Variants in CPAMD8 observed in about 807,000 individuals in gnomAD.
The protein encoded by CPAMD8 is C3 and PZP like alpha-2-macroglobulin domain containing 8, also known as C3 and PZP-like alpha-2-macroglobulin domain-containing protein 8.
A neutral mutation model predicts 224.7 loss-of-function variants in CPAMD8; 146 were observed. The observed-to-expected ratio is 0.65, with a 90% confidence interval of 0.57 to 0.75. CPAMD8 has a LOEUF of 0.75. Ranked by LOEUF, CPAMD8 falls within the 30% of genes least tolerant of loss-of-function variation. The pLI is 0.00. For synonymous variants in CPAMD8, 966 were observed against 1,044.6 expected (o/e 0.92, Z 1.45); for missense variants, 2,301 against 2,537.5 (o/e 0.91, Z 2.00).
chr19:16,982,333 G>A (rs1228501213), intron 13 of CPAMD8, among the ~76,000 whole-genome samples: 4 of 151,810 alleles, frequency 2.6e-5, no homozygotes, highest in Admixed American at 6.6e-5. Flanking sequence ...GTCGATGTGC[G>A]GTGAGTCATG....
At chr19:17,006,114 C>T (rs1474439244) in intron 7 of CPAMD8, among the ~76,000 whole-genome samples, 1 of 152,102 alleles carries the variant, frequency 6.6e-6, no homozygotes, top group Non-Finnish European at 1.5e-5. Context: ...AGGCACCCGC[C>T]ACCATGTCCA....
chr19:16,913,278 T>C (rs768078826), intron 29 of CPAMD8, among the ~76,000 whole-genome samples: 4 of 152,130 alleles, frequency 2.6e-5, no homozygotes, highest in Non-Finnish European at 4.4e-5. Context: ...AGAATCCATA[T>C]GTTGAAGCTC....
rs763559280 is a variant in CPAMD8 at position 16,899,576 on chromosome 19, C to A, written c.4774-27G>T. Reference sequence around the variant, plus strand: ...TGCAGAGGAAGCCAGAAGTCAGGGTCCTCAGACTCTCTACTTGCTTCCTCT... The same window carrying A: ...TGCAGAGGAAGCCAGAAGTCAGGGTACTCAGACTCTCTACTTGCTTCCTCT... On this transcript the variant is annotated intron_variant, in intron 36 of 41. Coordinates refer to ENST00000443236, the MANE Select transcript of CPAMD8 (RefSeq NM_015692.5). The surrounding 1 kb of genome is among the most constrained non-coding windows in gnomAD (Gnocchi z 5.4). 1 of 1,129,716 alleles carries A rather than the reference C, an allele frequency of 8.9e-7. No homozygotes were observed. The highest frequency in any genetic ancestry group is 1.2e-5 in the South Asian group (1 of 81,484). 70.0% of individuals were successfully genotyped at this position (1,129,716 alleles called of 1,614,324 possible).
chr19:16,967,539 G>A (rs1012637182), intron 18 of CPAMD8, among the ~76,000 whole-genome samples: 4 of 152,160 alleles, frequency 2.6e-5, no homozygotes, highest in Non-Finnish European at 4.4e-5. Flanking sequence ...AGGTGCAGTG[G>A]CTCATGCCTG....
intron 11 of CPAMD8, 91 bp from the exon 12 acceptor site, chr19:16,993,677 C>A: frequency 2.5e-6 from 3 of 1,198,180 alleles, no homozygotes; most frequent in South Asian, 3.0e-5. Flanking sequence ...ACTGGAATCC[C>A]AGCAGGCTTC....
At chr19:16,913,939 G>C (rs1403019791) in intron 29 of CPAMD8, among the ~76,000 whole-genome samples, 2 of 152,116 alleles carry the variant, frequency 1.3e-5, no homozygotes, top group African/African-American at 4.8e-5. Flanking sequence ...CCCCAGGAAA[G>C]CCTCATAGAA....
Position 16,928,012 on chromosome 19 carries a change from T to A in CPAMD8, c.3367A>T (p.Ile1123Phe). 1.2e-6 allele frequency: 2 copies of A among 1,610,082 alleles called. No individual in the cohort carries two copies. Among genetic ancestry groups the A allele is most frequent in the Non-Finnish European group, 1.7e-6 (2 of 1,176,416 alleles). ...CCAGGCTGTGGGACAGACGCACCGA[T>A]GATGGAGGCGGTGGCTCGCTCAGAC... ...PGSERATASIIGDVMGPTLNH... is the reference protein window; with the variant it reads ...PGSERATASIFGDVMGPTLNH... The change falls in exon 25 of 42, where the codon ATC becomes TTC. Residue 1123 changes from isoleucine to phenylalanine, a missense_variant. Ile to Phe is a conservative substitution (Grantham distance 21). This residue lies in a region of CPAMD8 where 1,709 missense variants were observed against 1,753.2 expected (regional missense o/e 0.97). Coordinates refer to ENST00000443236, the MANE Select transcript of CPAMD8 (RefSeq NM_015692.5).
At chr19:16,911,632 G>C (rs2052731967) in intron 29 of CPAMD8, among the ~76,000 whole-genome samples, 2 of 152,138 alleles carry the variant, frequency 1.3e-5, no homozygotes, top group African/African-American at 4.8e-5. Context: ...GGCAAGCTCT[G>C]CCTCCCAGGT....
intron 27 of CPAMD8, 55 bp from the exon 28 acceptor site, chr19:16,914,868 G>T: frequency 7.4e-7 from 1 of 1,353,916 alleles, no homozygotes; most frequent in South Asian, 1.4e-5. Flanking sequence ...GCCCCCACAT[G>T]CTGGCTGAGG....
At chr19:16,971,821 C>T (rs1256222914) in intron 17 of CPAMD8, among the ~76,000 whole-genome samples, 2 of 152,000 alleles carry the variant, frequency 1.3e-5, no homozygotes, top group Admixed American at 6.6e-5. Flanking sequence ...CCGAGGTGGG[C>T]GGATCACTTG....
intron 13 of CPAMD8, among the ~76,000 whole-genome samples, chr19:16,982,918 C>T (rs2055566235): frequency 6.6e-6 from 1 of 152,216 alleles, no homozygotes; most frequent in Non-Finnish European, 1.5e-5. Flanking sequence ...ATAACTGAAT[C>T]ATGGGGACAG....
At chr19:16,973,824 G>GC (rs1000843129) in intron 17 of CPAMD8, among the ~76,000 whole-genome samples, 3 of 139,608 alleles carry the variant, frequency 2.1e-5, no homozygotes, top group African/African-American at 8.2e-5. Flanking sequence ...GATAGCATTA[G>GC]CCCTTTTTTT....
intron 34 of CPAMD8, 28 bp downstream of exon 34, chr19:16,903,533 G>C (rs2052344579): frequency 6.2e-7 from 1 of 1,613,626 alleles, no homozygotes; most frequent in Admixed American, 1.7e-5. Flanking sequence ...ACAAGCCCAA[G>C]ATCACCTCGT....
At chr19:16,952,444 G>A (rs1047339658) in intron 19 of CPAMD8, among the ~76,000 whole-genome samples, 5 of 152,186 alleles carry the variant, frequency 3.3e-5, no homozygotes, top group African/African-American at 1.2e-4. Context: ...CTGAGAGGCC[G>A]AGGTGGGAGA....
At chr19:16,974,235 CA>C (rs2122681771) in intron 17 of CPAMD8, among the ~76,000 whole-genome samples, 1 of 151,134 alleles carries the variant, frequency 6.6e-6, no homozygotes, top group East Asian at 2.0e-4. Flanking sequence ...AGGTTCACGC[CA>C]TTCTCCTGCC....
At chr19:16,987,049 C>T (rs2055744551) in intron 13 of CPAMD8, among the ~76,000 whole-genome samples, 1 of 147,260 alleles carries the variant, frequency 6.8e-6, no homozygotes, top group Non-Finnish European at 1.5e-5. Context: ...ATCCCAGCTA[C>T]TCGGGAGGCT....
intron 21 of CPAMD8, among the ~76,000 whole-genome samples, chr19:16,946,093 ATGTG>A (rs1027989777): frequency 3.3e-5 from 5 of 151,762 alleles, no homozygotes; most frequent in African/African-American, 4.8e-5. Context: ...GTGTATATGC[ATGTG>A]TGTATGTGTG....
At chr19:16,910,915 A>G (rs1268713252) in intron 29 of CPAMD8, 1 of 152,424 alleles carries the variant, frequency 6.6e-6, no homozygotes, top group Non-Finnish European at 1.5e-5. Flanking sequence ...TGGAGGCAGC[A>G]AAGAAAGCTC....
At chr19:17,003,621 T>C (rs1309014923) in intron 8 of CPAMD8, among the ~76,000 whole-genome samples, 1 of 151,132 alleles carries the variant, frequency 6.6e-6, no homozygotes, top group Admixed American at 6.6e-5. Flanking sequence ...TCTCTACTAA[T>C]ACAAAAATTA....
Sources: allele counts gnomAD v4.1 joint callset (sites outside exome capture counted in the v4.1 genomes callset), GRCh38; gene constraint gnomAD v4.1.1; regional missense constraint gnomAD v4.1.1; non-coding constraint Gnocchi (gnomAD v3.1); transcripts MANE v1.5; gene names NCBI Gene and HGNC (gene_info 2026-07-23, HGNC 2026-07-21).